SHOX: variants seen among roughly 807,000 people sequenced by gnomAD.
SHOX encodes the protein SHOX homeobox, also known as short stature homeobox protein.
In SHOX, 12 loss-of-function variants were observed where a neutral mutation model predicts 29.6. The observed-to-expected ratio is 0.41, with a 90% confidence interval of 0.26 to 0.66. The LOEUF is 0.66. Among genes scored for constraint, SHOX ranks in the 30% least tolerant of loss-of-function variants. The pLI, the probability that SHOX is intolerant of heterozygous loss-of-function variation, is 0.35. For synonymous variants in SHOX, 214 were observed against 200.6 expected, an observed-to-expected ratio of 1.07 and a Z score of -0.57; for missense variants, 499 against 437.7, an observed-to-expected ratio of 1.14 and a Z score of -1.25.
upstream of SHOX, among the ~76,000 whole-genome samples, chrX:629,374 C>A (rs1198586626): frequency 1.5e-5 from 2 of 137,332 alleles, no homozygotes; most frequent in African/African-American, 5.3e-5. Context: ...TCTGTCTCTC[C>A]CTGTCTGTGT....
chrX:627,713 C>T (rs889913888), upstream of SHOX, among the ~76,000 whole-genome samples: 2 of 152,164 alleles, frequency 1.3e-5, no homozygotes, highest in African/African-American at 2.4e-5. Context: ...TTCCTGGAGG[C>T]TCGGACACCC....
chrX:639,028 C>A (rs1266638881), intron 2 of SHOX, among the ~76,000 whole-genome samples: 1 of 152,040 alleles, frequency 6.6e-6, no homozygotes, highest in Admixed American at 6.6e-5. Context: ...CAGGCATAGG[C>A]TAAACTGCCT....
rs111891335 is a variant in SHOX, at chrX:643,725, G to A, written c.634-666G>A. ...GAGAGGCTTGGACACCTGGTGTCCC[G>A]GGAGAGGCTTGGGGACCTGGTGACC... On this transcript the variant is annotated intron_variant, in intron 4 of 4. Transcript: ENST00000686671. Among the ~76,000 whole-genome samples the A allele has an allele frequency of 5.5e-3, 704 of 126,880 alleles. 43 individuals carry two copies. Among genetic ancestry groups the A allele is most frequent in the African/African-American group, 0.022 (644 of 28,958 alleles). 83.2% of individuals were successfully genotyped at this position (126,880 alleles called of 152,430 possible).
intron 1 of SHOX, among the ~76,000 whole-genome samples, chrX:633,560 T>C (rs745991296): frequency 6.6e-6 from 1 of 152,272 alleles, no homozygotes; most frequent in South Asian, 2.1e-4. Flanking sequence ...CCGTTCCCTG[T>C]AGACACCCTG....
At chrX:634,032 C>G (rs934248372) in intron 1 of SHOX, among the ~76,000 whole-genome samples, 1 of 152,236 alleles carries the variant, frequency 6.6e-6, no homozygotes, top group Admixed American at 6.5e-5. Context: ...GATTTCTGCG[C>G]ACGCGGTTCA....
downstream of SHOX, among the ~76,000 whole-genome samples, chrX:654,046 C>T (rs2053104073): frequency 6.6e-6 from 1 of 152,060 alleles, no homozygotes; most frequent in South Asian, 2.1e-4. Context: ...ATTTTAATTT[C>T]TTTTGTTTGA....
At chrX:644,347 A>T in intron 4 of SHOX, 44 bp from the exon 5 acceptor site, 1 of 1,503,516 alleles carries the variant, frequency 6.7e-7, no homozygotes, top group Non-Finnish European at 8.8e-7. Context: ...CAGGCCCCCC[A>T]GTCCCCATCC....
At chrX:635,857 GGA>G (rs369333132) in intron 2 of SHOX, among the ~76,000 whole-genome samples, 39,404 of 145,994 alleles carry the variant, frequency 0.27, 5,438 homozygotes, top group Non-Finnish European at 0.29. Flanking sequence ...GTGGGGGGAG[GGA>G]GAGAGAGAGA....
rs1421268149 is a variant in SHOX, at chrX:646,501, C to G, written c.*1865C>G. 6.6e-6 allele frequency: 1 copy of G among 151,640 alleles called. No homozygotes were observed. Among genetic ancestry groups the G allele is most frequent in the Non-Finnish European group, 1.5e-5 (1 of 68,002 alleles). 9.4% of individuals were successfully genotyped at this position (151,640 alleles called of 1,614,324 possible). On this transcript the variant is annotated 3_prime_UTR_variant, in exon 5 of 5. Coordinates refer to ENST00000686671, the MANE Select transcript of SHOX (RefSeq NM_000451.4). ...GCTTGGTGGTTTTCTTTCCTAACTT[C>G]TGATTTAGATACTTCTCCCTGAGGT...
chrX:658,428 G>C (rs2053177030), intron 5 of SHOX, among the ~76,000 whole-genome samples: 1 of 151,134 alleles, frequency 6.6e-6, no homozygotes, highest in South Asian at 2.1e-4. Flanking sequence ...TTTTGTAGCA[G>C]TTGCATGCAA....
rs1232951556 is a variant in SHOX, at chrX:651,163, G to A, written c.*6527G>A. 1.2e-5 allele frequency: 5 copies of A among 401,692 alleles called. No homozygotes were observed. Among genetic ancestry groups the A allele is most frequent in the Admixed American group, 3.1e-5 (1 of 32,648 alleles). The allele number at this position is 401,692 out of a possible 1,614,324, so 24.9% of individuals were successfully genotyped here. ...ATGTACTATTTTAATTATGTCGAGT[G>A]TAAATTTGACATCGCGTTGCATTTA... is the stretch of plus-strand genomic sequence containing the variant. On this transcript the variant is annotated 3_prime_UTR_variant, in exon 5 of 5. Transcript: ENST00000686671.
intron 5 of SHOX, among the ~76,000 whole-genome samples, chrX:658,540 C>T (rs779520671): frequency 1.1e-4 from 16 of 150,640 alleles, no homozygotes; most frequent in African/African-American, 2.0e-4. Context: ...GCACGATCTC[C>T]GCTCACTGCA....
At chrX:651,833 C>G (rs1383804580), downstream of SHOX, among the ~76,000 whole-genome samples, 1 of 151,918 alleles carries the variant, frequency 6.6e-6, no homozygotes, top group African/African-American at 2.4e-5. Context: ...AGCCAACGTC[C>G]CCCCAGAAGG....
At chrX:642,607 T>G (rs1398926387) in intron 4 of SHOX, among the ~76,000 whole-genome samples, 1 of 152,178 alleles carries the variant, frequency 6.6e-6, no homozygotes, top group Non-Finnish European at 1.5e-5. Flanking sequence ...GGAACGAGCC[T>G]ACTTCTTGTA....
intron 1 of SHOX, among the ~76,000 whole-genome samples, chrX:632,209 G>A (rs2239403): frequency 0.085 from 12,895 of 152,106 alleles, 717 homozygotes; most frequent in Admixed American, 0.18. Context: ...AGTCAAGGTT[G>A]TCAGAGCGCA....
At chrX:657,125 G>T (rs1348621276) in intron 5 of SHOX, among the ~76,000 whole-genome samples, 2 of 149,732 alleles carry the variant, frequency 1.3e-5, no homozygotes, top group Admixed American at 1.3e-4. Context: ...TTGCACCACT[G>T]CCCTCCAGCC....
intron 1 of SHOX, chrX:631,950 G>T (rs2052658564): frequency 2.2e-6 from 1 of 455,994 alleles, no homozygotes; most frequent in African/African-American, 2.0e-5. Flanking sequence ...AGCGCCTGCC[G>T]GGCCCCCGGA....
rs761658498 is a variant in SHOX, at chrX:633,372, C to T, written c.278-1246C>T. Among the ~76,000 whole-genome samples the T allele has an allele frequency of 1.5e-3, 224 of 151,914 alleles. 1 individual carries two copies. The highest frequency in any genetic ancestry group is 5.2e-3 in the African/African-American group (216 of 41,398). On this transcript the variant is annotated intron_variant, in intron 1 of 4. Coordinates refer to ENST00000686671, the MANE Select transcript of SHOX (RefSeq NM_000451.4). ...CTGGGGTCGTCTCCAGGAAACGATT[C>T]ACTTGGGGGGAAGGAATGGAGTGTT...
chrX:631,505 A>G (rs1236613020), intron 1 of SHOX, among the ~76,000 whole-genome samples: 1 of 150,770 alleles, frequency 6.6e-6, no homozygotes, highest in Non-Finnish European at 1.5e-5. Flanking sequence ...TGTCTTTTTC[A>G]TTTTCTTTTT....
Sources: allele counts gnomAD v4.1 joint callset (sites outside exome capture counted in the v4.1 genomes callset), GRCh38; gene constraint gnomAD v4.1.1; transcripts MANE v1.5; gene names NCBI Gene and HGNC (gene_info 2026-07-23, HGNC 2026-07-21).